ACTRT2: variants seen among roughly 807,000 people sequenced by gnomAD.
ACTRT2 encodes actin-related protein T2.
ACTRT2 carries 1 observed loss-of-function variant against 1.2 expected under a neutral mutation model. The observed-to-expected ratio is 0.80, with a 90% CI of 0.29 to 3.81. The LOEUF is 3.81. Among genes scored for constraint, ACTRT2 ranks in the 30% most tolerant of loss-of-function variants. The pLI, the probability that ACTRT2 is intolerant of heterozygous loss-of-function variation, is 0.18. For missense variants in ACTRT2, 488 were observed against 497.9 expected, an observed-to-expected ratio of 0.98 and a Z score of 0.19; for synonymous variants, 262 against 228.9, an observed-to-expected ratio of 1.14 and a Z score of -1.30.
rs1026889106 is a variant in ACTRT2, at chr1:3,021,467, A to T, written c.-220A>T. On this transcript the variant is annotated 5_prime_UTR_variant, in exon 1 of 1. Transcript: ENST00000378404. ...TTGGCTAGATTGTTACCTAGGAGAC[A>T]ACCCCCTGGCCCCCTGGAAGAGGCC... 3.5e-6 allele frequency: 2 copies of T among 569,498 alleles called. No individual in the cohort carries two copies. The highest frequency in any genetic ancestry group is 2.4e-5 in the South Asian group (1 of 41,966). The allele number at this position is 569,498 out of a possible 1,614,324, so 35.3% of individuals were successfully genotyped here. A position where few individuals can be genotyped will look rare whatever the true frequency, so the allele number is the denominator to read the frequency against.
rs975626459 is a variant in ACTRT2, at chr1:3,021,750, A to C, written c.64A>C (p.Lys22Gln). 4.3e-6 allele frequency: 7 copies of C among 1,613,794 alleles called. No homozygotes were observed. Among genetic ancestry groups the C allele is most frequent in the Non-Finnish European group, 5.9e-6 (7 of 1,180,014 alleles). The part of the protein sequence containing the change: ...VIFDNGSGFC[K>Q]AGLSGEFGPR... ...TTTTGACAATGGCTCGGGGTTCTGC[A>C]AAGCGGGCCTGTCTGGGGAGTTTGG... is the stretch of plus-strand genomic sequence containing the variant. The change falls in exon 1 of 1, where the codon AAA (lysine) becomes CAA (glutamine). Residue 22 changes from lysine (K) to glutamine (Q), a missense_variant. Coordinates refer to ENST00000378404, the MANE Select transcript of ACTRT2 (RefSeq NM_080431.5).
Position 3,022,801 on chromosome 1 carries a change from T to C in ACTRT2, c.1115T>C (p.Val372Ala), listed in dbSNP as rs1205540122. The C allele has an allele frequency of 6.2e-7, 1 of 1,609,676 alleles. No individual in the cohort carries two copies. Among genetic ancestry groups the C allele is most frequent in the Non-Finnish European group, 8.5e-7 (1 of 1,176,670 alleles). ...TTCAAGGAGTTTGGGACCTCCGTGGTGCAGAGAAGATGCTTCTGAAGGCCG... is the reference window on the plus strand; with the variant it reads ...TTCAAGGAGTTTGGGACCTCCGTGGCGCAGAGAAGATGCTTCTGAAGGCCG... ...ADFKEFGTSV[V>A]QRRCF The change falls in exon 1 of 1, where the codon GTG becomes GCG. Residue 372 changes from valine to alanine, a missense_variant. Transcript: ENST00000378404. This position sits in a 1 kb window ranked among gnomAD's most constrained non-coding sequence, Gnocchi z 7.7.
Position 3,021,990 on chromosome 1 carries a change from C to A in ACTRT2, c.304C>A (p.Pro102Thr). 1.2e-6 allele frequency: 2 copies of A among 1,613,550 alleles called. No homozygotes were observed. Among genetic ancestry groups the A allele is most frequent in the Non-Finnish European group, 1.7e-6 (2 of 1,180,038 alleles). ...HLFEWELGVK[P>T]SDQPLLATEP... ...CTTTGAGTGGGAGCTAGGCGTGAAA[C>A]CCAGCGACCAGCCCCTGCTTGCAAC... is the stretch of plus-strand genomic sequence containing the variant. The change falls in exon 1 of 1, where the codon CCC (proline) becomes ACC (threonine). Residue 102 changes from proline (P) to threonine (T), a missense_variant. Pro to Thr is a conservative substitution (Grantham distance 38). Transcript: ENST00000378404.
At position 3,022,199 on chromosome 1, in the gene ACTRT2, G is replaced by A; in HGVS notation, c.513G>A (p.Glu171=). The A allele has an allele frequency of 1.9e-6, 3 of 1,613,100 alleles. No individual in the cohort carries two copies. The highest frequency in any genetic ancestry group is 2.5e-6 in the Non-Finnish European group (3 of 1,180,022). ...TCACCTGCACTGTCCCCATCTTTGA[G>A]GGTTACTCCCTGCCCCACGCAGTCA... ...DAVTCTVPIF[E]GYSLPHAVTK... The change falls in exon 1 of 1, where the codon GAG becomes GAA. Residue 171 remains glutamate, a synonymous_variant. Transcript: ENST00000378404. This position sits in a 1 kb window ranked among gnomAD's most constrained non-coding sequence, Gnocchi z 7.7.
rs746491625 is a variant in ACTRT2, at chr1:3,022,844, T to TG, written c.*30dup. The TG allele has an allele frequency of 1.1e-5, 18 of 1,588,266 alleles. No homozygotes were observed. Among genetic ancestry groups the TG allele is most frequent in the Non-Finnish European group, 1.4e-5 (16 of 1,164,526 alleles). On this transcript the variant is annotated 3_prime_UTR_variant, in exon 1 of 1. Coordinates refer to ENST00000378404, the MANE Select transcript of ACTRT2 (RefSeq NM_080431.5). The surrounding 1 kb of genome is among the most constrained non-coding windows in gnomAD (Gnocchi z 7.7). The stretch of plus-strand genomic sequence containing the variant: ...GAAGGCCGCTTCTCGTTGGGTACCG[T>TG]GGGGGGTGAACCCTAGCCCCAGCTT...
chr1:3,022,323 G>T lies in ACTRT2; in HGVS notation c.637G>T (p.Val213Leu), dbSNP rs61745278. ...TFPCQLDKGL[V>L]DDIKKKLCYV... ...CCCCTGCCAGCTGGACAAGGGTCTC[G>T]TGGACGACATCAAAAAGAAGCTGTG... Residue 213 changes from valine to leucine, a missense_variant, in exon 1 of 1, where the codon GTG becomes TTG. Val to Leu is a conservative substitution (Grantham distance 32). Coordinates refer to ENST00000378404, the MANE Select transcript of ACTRT2 (RefSeq NM_080431.5). The surrounding 1 kb of genome is among the most constrained non-coding windows in gnomAD (Gnocchi z 7.7). 11 of 1,612,812 alleles carry T rather than the reference G, an allele frequency of 6.8e-6. No homozygotes were observed. In the Admixed American group the frequency reaches 1.5e-4, roughly 22 times the overall value.
At position 3,021,843 on chromosome 1, in the gene ACTRT2, CAGA is replaced by C. The variant is rs4013154; in HGVS notation, c.163_165del (p.Lys55del). On this transcript the variant is annotated inframe_deletion, in exon 1 of 1. Transcript: ENST00000378404. ...CCAGGCTCCCTCAGCAGAGGCCAAC[CAGA>C]AGAAGTACTTTGTGGGGGAGGAGGC... The C allele has an allele frequency of 0.16, 261,398 of 1,613,224 alleles. 23,171 individuals are homozygous for C. The highest frequency in any genetic ancestry group is 0.26 in the Admixed American group (15,692 of 59,976).
Position 3,022,635 on chromosome 1 carries a change from A to G in ACTRT2, c.949A>G (p.Lys317Glu). 1 of 1,613,066 alleles carries G rather than the reference A, an allele frequency of 6.2e-7. No individual in the cohort carries two copies. Among genetic ancestry groups the G allele is most frequent in the Non-Finnish European group, 8.5e-7 (1 of 1,180,002 alleles). The change falls in exon 1 of 1, where the codon AAG becomes GAG. Residue 317 changes from lysine to glutamate, a missense_variant. Lys to Glu is a moderately conservative substitution (Grantham distance 56). Coordinates refer to ENST00000378404, the MANE Select transcript of ACTRT2 (RefSeq NM_080431.5). This position sits in a 1 kb window ranked among gnomAD's most constrained non-coding sequence, Gnocchi z 7.7. ...LFHGLDDRLLKELEQLASKDT... is the reference protein window; with the variant it reads ...LFHGLDDRLLEELEQLASKDT... ...CCACGGGCTGGATGACCGGCTTCTC[A>G]AGGAGCTGGAGCAGCTGGCCTCCAA...
In ACTRT2 at chr1:3,021,498, A is replaced by C. The variant is rs923244029; in HGVS notation, c.-189A>C. 2.8e-4 allele frequency: 204 copies of C among 727,986 alleles called. No individual in the cohort carries two copies. The Middle Eastern group carries it at 3.6e-3, about 13-fold the overall frequency. 45.1% of individuals were successfully genotyped at this position (727,986 alleles called of 1,614,324 possible). On this transcript the variant is annotated 5_prime_UTR_variant, in exon 1 of 1. Transcript: ENST00000378404. ...CTGGCCCCCTGGAAGAGGCCTCAGC[A>C]GGCCCAGGCCACCTGGAGGGAGAGC... is the stretch of plus-strand genomic sequence containing the variant.
Position 3,022,524 on chromosome 1 carries a change from G to T in ACTRT2, c.838G>T (p.Val280Phe). 6.2e-7 allele frequency: 1 copy of T among 1,612,948 alleles called. No individual in the cohort carries two copies. ...GSQSPGLSNMVSSSITKCDTD... is the reference protein window; with the variant it reads ...GSQSPGLSNMFSSSITKCDTD... The stretch of plus-strand genomic sequence containing the variant: ...CCAGAGCCCCGGGCTCTCGAATATG[G>T]TCTCCAGCAGCATCACCAAGTGTGA... The change falls in exon 1 of 1, where the codon GTC becomes TTC. Residue 280 changes from valine to phenylalanine, a missense_variant. Coordinates refer to ENST00000378404, the MANE Select transcript of ACTRT2 (RefSeq NM_080431.5). The surrounding 1 kb of genome is among the most constrained non-coding windows in gnomAD (Gnocchi z 7.7).
rs143616740 is a variant in ACTRT2 at position 3,022,384 on chromosome 1, G to A, written c.698G>A (p.Arg233Gln). The change falls in exon 1 of 1, where the codon CGG becomes CAG. Residue 233 changes from arginine (R) to glutamine (Q), a missense_variant. Physicochemically the swap from Arg to Gln is conservative, Grantham distance 43 (BLOSUM62 1). Coordinates refer to ENST00000378404, the MANE Select transcript of ACTRT2 (RefSeq NM_080431.5). This position sits in a 1 kb window ranked among gnomAD's most constrained non-coding sequence, Gnocchi z 7.7. ...TTGGAGCCCGAGAAGGAGCTTTCCCGGAGGCCGGAGGAGGTCCTGAGGGAG... is the reference window on the plus strand; with the variant it reads ...TTGGAGCCCGAGAAGGAGCTTTCCCAGAGGCCGGAGGAGGTCCTGAGGGAG... ...VALEPEKELSRRPEEVLREYK... is the reference protein window; with the variant it reads ...VALEPEKELSQRPEEVLREYK... 3.7e-5 allele frequency: 59 copies of A among 1,612,784 alleles called. No homozygotes were observed. The highest frequency in any genetic ancestry group is 4.5e-5 in the Non-Finnish European group (53 of 1,180,026).
In ACTRT2 at chr1:3,022,901, G is replaced by T; in HGVS notation, c.*81G>T. On this transcript the variant is annotated 3_prime_UTR_variant, in exon 1 of 1. Transcript: ENST00000378404. This position sits in a 1 kb window ranked among gnomAD's most constrained non-coding sequence, Gnocchi z 7.7. The stretch of plus-strand genomic sequence containing the variant: ...GATGTTCAATAAAGGACCAATGCCG[G>T]AACACCTGGCCACCTCGGCTCAGTT... 2 of 1,512,902 alleles carry T rather than the reference G, an allele frequency of 1.3e-6. No individual in the cohort carries two copies. Among genetic ancestry groups the T allele is most frequent in the South Asian group, 1.3e-5 (1 of 75,952 alleles). The allele number at this position is 1,512,902 out of a possible 1,614,324, so 93.7% of individuals were successfully genotyped here.
chr1:3,021,860 G>T lies in ACTRT2; in HGVS notation c.174G>T (p.Val58=), dbSNP rs114122096. The stretch of plus-strand genomic sequence containing the variant: ...AGGCCAACCAGAAGAAGTACTTTGT[G>T]GGGGAGGAGGCCCTGTACAAGCAGG... ...SAEANQKKYF[V]GEEALYKQEA... Residue 58 remains valine (V), a synonymous_variant, in exon 1 of 1, where the codon GTG becomes GTT. Transcript: ENST00000378404. 280 of 1,613,388 alleles carry T rather than the reference G, an allele frequency of 1.7e-4. 1 individual carries two copies. In the African/African-American group the frequency reaches 3.1e-3, roughly 18 times the overall value.
In ACTRT2 at chr1:3,021,986, G is replaced by A. The variant is rs1641080484; in HGVS notation, c.300G>A (p.Val100=). 3.1e-6 allele frequency: 5 copies of A among 1,613,430 alleles called. No individual in the cohort carries two copies. The highest frequency in any genetic ancestry group is 2.2e-5 in the East Asian group (1 of 44,882). Residue 100 remains valine, a synonymous_variant, in exon 1 of 1, where the codon GTG becomes GTA. Coordinates refer to ENST00000378404, the MANE Select transcript of ACTRT2 (RefSeq NM_080431.5). ...WKHLFEWELG[V]KPSDQPLLAT... Reference sequence around the variant, plus strand: ...ACCTCTTTGAGTGGGAGCTAGGCGTGAAACCCAGCGACCAGCCCCTGCTTG... The same window carrying A: ...ACCTCTTTGAGTGGGAGCTAGGCGTAAAACCCAGCGACCAGCCCCTGCTTG...
Position 3,022,421 on chromosome 1 carries a change from C to T in ACTRT2, c.735C>T (p.Pro245=), listed in dbSNP as rs769239318. The change falls in exon 1 of 1, where the codon CCC becomes CCT. Residue 245 remains proline (P), a synonymous_variant. Transcript: ENST00000378404. The surrounding 1 kb of genome is among the most constrained non-coding windows in gnomAD (Gnocchi z 7.7). The part of the protein sequence containing the change: ...PEEVLREYKL[P]DGNIISLGDP... ...AGGTCCTGAGGGAGTACAAGCTGCC[C>T]GACGGGAACATCATCAGCCTCGGGG... The T allele has an allele frequency of 1.1e-5, 18 of 1,612,756 alleles. No individual in the cohort carries two copies. The highest frequency in any genetic ancestry group is 5.0e-5 in the Admixed American group (3 of 60,010).
chr1:3,021,970 A>T lies in ACTRT2; in HGVS notation c.284A>T (p.Glu95Val), dbSNP rs1641080290. 1 of 1,613,526 alleles carries T rather than the reference A, an allele frequency of 6.2e-7. No homozygotes were observed. The stretch of plus-strand genomic sequence containing the variant: ...GAGAGACTCTGGAAGCACCTCTTTG[A>T]GTGGGAGCTAGGCGTGAAACCCAGC... ...DVERLWKHLF[E>V]WELGVKPSDQ... Residue 95 changes from glutamate (E) to valine (V), a missense_variant, in exon 1 of 1, where the codon GAG (glutamate) becomes GTG (valine). Glu to Val is a moderately radical substitution (Grantham distance 121). Transcript: ENST00000378404.
Position 3,022,011 on chromosome 1 carries a change from G to A in ACTRT2, c.325G>A (p.Ala109Thr), listed in dbSNP as rs747399093. 6.2e-7 allele frequency: 1 copy of A among 1,613,610 alleles called. No individual in the cohort carries two copies. The change falls in exon 1 of 1, where the codon GCA (alanine) becomes ACA (threonine). Residue 109 changes from alanine (A) to threonine (T), a missense_variant. Coordinates refer to ENST00000378404, the MANE Select transcript of ACTRT2 (RefSeq NM_080431.5). The surrounding 1 kb of genome is among the most constrained non-coding windows in gnomAD (Gnocchi z 7.7). Reference protein sequence around the residue: ...GVKPSDQPLLATEPSLNPREN... With the variant: ...GVKPSDQPLLTTEPSLNPREN... Reference sequence around the variant, plus strand: ...GAAACCCAGCGACCAGCCCCTGCTTGCAACGGAGCCCTCCCTGAACCCCAG... The same window carrying A: ...GAAACCCAGCGACCAGCCCCTGCTTACAACGGAGCCCTCCCTGAACCCCAG...
Position 3,021,605 on chromosome 1 carries a change from G to A in ACTRT2, c.-82G>A, listed in dbSNP as rs1298694875. The A allele has an allele frequency of 1.3e-6, 2 of 1,522,124 alleles. No individual in the cohort carries two copies. Among genetic ancestry groups the A allele is most frequent in the Non-Finnish European group, 1.8e-6 (2 of 1,131,768 alleles). The allele number at this position is 1,522,124 out of a possible 1,614,324, so 94.3% of individuals were successfully genotyped here. The stretch of plus-strand genomic sequence containing the variant: ...CACCCCGAGAGCTGTGGGAAGAGCT[G>A]TGGGATCCCCTATTGCATCACAAAG... On this transcript the variant is annotated 5_prime_UTR_variant, in exon 1 of 1. It adds an upstream start codon to the 5' untranslated region. Transcript: ENST00000378404.
In ACTRT2 at chr1:3,021,603, C is replaced by T. The variant is rs1401974182; in HGVS notation, c.-84C>T. ...GACACCCCGAGAGCTGTGGGAAGAGCTGTGGGATCCCCTATTGCATCACAA... is the reference window on the plus strand; with the variant it reads ...GACACCCCGAGAGCTGTGGGAAGAGTTGTGGGATCCCCTATTGCATCACAA... On this transcript the variant is annotated 5_prime_UTR_variant, in exon 1 of 1. Coordinates refer to ENST00000378404, the MANE Select transcript of ACTRT2 (RefSeq NM_080431.5). The T allele has an allele frequency of 2.0e-6, 3 of 1,514,590 alleles. No individual in the cohort carries two copies. The highest frequency in any genetic ancestry group is 2.7e-6 in the Non-Finnish European group (3 of 1,127,008). The allele number at this position is 1,514,590 out of a possible 1,614,324, so 93.8% of individuals were successfully genotyped here. A position where few individuals can be genotyped will look rare whatever the true frequency, so the allele number is the denominator to read the frequency against.
Sources: allele counts gnomAD v4.1 joint callset, GRCh38; gene constraint gnomAD v4.1.1; non-coding constraint Gnocchi (gnomAD v3.1); transcripts MANE v1.5; gene names NCBI Gene and HGNC (gene_info 2026-07-23, HGNC 2026-07-21).